The following ADAM7 variants were observed in gnomAD, a reference collection of about 807,000 sequenced individuals.
The protein encoded by ADAM7 is disintegrin and metalloproteinase domain-containing protein 7.
Under a neutral mutation model 102.9 loss-of-function variants are expected in ADAM7, and 97 were observed. That is an observed-to-expected ratio of 0.94 (90% CI 0.80 to 1.12). The LOEUF (loss-of-function observed/expected upper bound fraction) is 1.12, where lower values mean the gene tolerates loss of function less well. ADAM7 is among the 50% of genes most tolerant of loss of function. ADAM7 has a pLI of 0.00. For missense variants in ADAM7, 991 were observed against 908.7 expected (o/e 1.09, Z -1.16); for synonymous variants, 334 against 304.4 (o/e 1.10, Z -1.01).
At chr8:24,445,710 T>C (rs1223971112) in intron 2 of ADAM7, among the ~76,000 whole-genome samples, 5 of 152,208 alleles carry the variant, frequency 3.3e-5, no homozygotes, top group Non-Finnish European at 7.3e-5. Flanking sequence ...GCCTAGATAT[T>C]TTGCTTCTCT....
intron 3 of ADAM7, among the ~76,000 whole-genome samples, chr8:24,454,487 A>G (rs1445378284): frequency 1.3e-5 from 2 of 152,138 alleles, no homozygotes; most frequent in Non-Finnish European, 1.5e-5. Context: ...CTGGTGCGCC[A>G]TTTTTTAAGC....
intron 3 of ADAM7, among the ~76,000 whole-genome samples, chr8:24,452,631 G>A (rs1323453023): frequency 6.7e-6 from 1 of 149,104 alleles, no homozygotes; most frequent in Non-Finnish European, 1.5e-5. Flanking sequence ...CTTTTAATTG[G>A]AGCATTTAGT....
intron 3 of ADAM7, among the ~76,000 whole-genome samples, chr8:24,449,684 T>C (rs1351867180): frequency 1.3e-5 from 2 of 152,186 alleles, no homozygotes; most frequent in Non-Finnish European, 2.9e-5. Context: ...TTGGCTTTTG[T>C]TGCCATTGCT....
At chr8:24,484,956 C>A (rs971838975) in intron 9 of ADAM7, among the ~76,000 whole-genome samples, 1 of 151,850 alleles carries the variant, frequency 6.6e-6, no homozygotes, top group Non-Finnish European at 1.5e-5. Context: ...CAGGTGTGCA[C>A]CACCATGCCC....
intron 16 of ADAM7, among the ~76,000 whole-genome samples, chr8:24,497,426 C>G (rs1820597174): frequency 6.6e-6 from 1 of 152,034 alleles, no homozygotes; most frequent in South Asian, 2.1e-4. Flanking sequence ...GCATTGCCTT[C>G]AAAGTACAAA....
intron 20 of ADAM7, among the ~76,000 whole-genome samples, chr8:24,505,916 A>G (rs748315131): frequency 1.3e-5 from 2 of 152,298 alleles, no homozygotes; most frequent in Middle Eastern, 3.4e-3. Flanking sequence ...CATCATATTC[A>G]TATCACAATG....
intron 3 of ADAM7, among the ~76,000 whole-genome samples, chr8:24,456,291 T>C (rs1819030505): frequency 6.6e-6 from 1 of 152,230 alleles, no homozygotes; most frequent in Non-Finnish European, 1.5e-5. Context: ...CATGTTGTCA[T>C]AAATGACAGA....
At position 24,447,167 on chromosome 8, in the gene ADAM7, G is replaced by T. The variant is rs1307954498; in HGVS notation, c.157-19G>T. 2 of 1,471,936 alleles carry T rather than the reference G, an allele frequency of 1.4e-6. No homozygotes were observed. The highest frequency in any genetic ancestry group is 1.9e-6 in the Non-Finnish European group (2 of 1,069,442). 91.2% of individuals were successfully genotyped at this position (1,471,936 alleles called of 1,614,324 possible). A position where few individuals can be genotyped will look rare whatever the true frequency, so the allele number is the denominator to read the frequency against. ...AAATGAGCCCATGTTGAAGTCACGTGATGCCTCTTCTTTTTTAGAAAACGT... is the reference window on the plus strand; with the variant it reads ...AAATGAGCCCATGTTGAAGTCACGTTATGCCTCTTCTTTTTTAGAAAACGT... On this transcript the variant is annotated intron_variant, in intron 2 of 21. Coordinates refer to ENST00000175238, the MANE Select transcript of ADAM7 (RefSeq NM_003817.4).
intron 12 of ADAM7, chr8:24,490,512 A>G (rs1820305181): frequency 3.4e-6 from 1 of 290,212 alleles, no homozygotes; most frequent in Non-Finnish European, 6.5e-6. Flanking sequence ...TGACCCTTCA[A>G]GGAAATGGAG....
chr8:24,503,874 C>T (rs1010878988), intron 20 of ADAM7, among the ~76,000 whole-genome samples: 4 of 151,560 alleles, frequency 2.6e-5, no homozygotes, highest in South Asian at 2.1e-4. Flanking sequence ...TGAGGCCTGT[C>T]GGGGGATGGG....
intron 3 of ADAM7, among the ~76,000 whole-genome samples, chr8:24,452,149 G>A (rs1380783792): frequency 1.3e-5 from 2 of 151,502 alleles, no homozygotes; most frequent in African/African-American, 4.8e-5. Context: ...GGAGAGTTCT[G>A]TAGATGTCTG....
chr8:24,482,580 C>G (rs1176732311), intron 9 of ADAM7, among the ~76,000 whole-genome samples: 1 of 151,962 alleles, frequency 6.6e-6, no homozygotes. Flanking sequence ...AAGACCCCAT[C>G]TGTACAAAAA....
chr8:24,465,682 GTCT>G lies in ADAM7; in HGVS notation c.313-10_313-8del, dbSNP rs1275943987. The G allele has an allele frequency of 1.3e-6, 2 of 1,524,412 alleles. No homozygotes were observed. The highest frequency in any genetic ancestry group is 4.5e-5 in the East Asian group (2 of 44,012). The allele number at this position is 1,524,412 out of a possible 1,614,324, so 94.4% of individuals were successfully genotyped here. On this transcript the variant is annotated splice_polypyrimidine_tract_variant and intron_variant, in intron 4 of 21. Coordinates refer to ENST00000175238, the MANE Select transcript of ADAM7 (RefSeq NM_003817.4). ...CAATATTTATACATATAGTAATAGAGTCTTCTTCTATTTTAGGATCATTGTTTT... is the reference window on the plus strand; with the variant it reads ...CAATATTTATACATATAGTAATAGAGTCTTCTATTTTAGGATCATTGTTTT...
At chr8:24,483,215 T>TA (rs1306241068) in intron 9 of ADAM7, among the ~76,000 whole-genome samples, 1 of 152,198 alleles carries the variant, frequency 6.6e-6, no homozygotes, top group Non-Finnish European at 1.5e-5. Context: ...TTATTCAAGA[T>TA]ACCTAGCGCA....
chr8:24,474,898 GAAC>G (rs755876053), intron 7 of ADAM7, among the ~76,000 whole-genome samples: 8 of 151,830 alleles, frequency 5.3e-5, no homozygotes, highest in Non-Finnish European at 1.0e-4. Context: ...TTGTCTCAAG[GAAC>G]AACAACAACA....
chr8:24,479,763 A>G (rs886450969), intron 8 of ADAM7, among the ~76,000 whole-genome samples: 1 of 152,144 alleles, frequency 6.6e-6, no homozygotes, highest in African/African-American at 2.4e-5. Context: ...AAGGTGCTCA[A>G]CATCTTTCTT....
intron 13 of ADAM7, 139 bp downstream of exon 13, chr8:24,491,027 T>G (rs1252459568): frequency 2.6e-6 from 2 of 780,386 alleles, no homozygotes; most frequent in African/African-American, 3.5e-5. Flanking sequence ...ACAGAGATTC[T>G]TGTGAGATGC....
chr8:24,457,539 G>A (rs1027201386), intron 3 of ADAM7, among the ~76,000 whole-genome samples: 1 of 151,832 alleles, frequency 6.6e-6, no homozygotes, highest in African/African-American at 2.4e-5. Flanking sequence ...GCCTCCCATA[G>A]TGATAGGATT....
At chr8:24,450,634 C>T (rs1008943052) in intron 3 of ADAM7, among the ~76,000 whole-genome samples, 2 of 151,964 alleles carry the variant, frequency 1.3e-5, no homozygotes, top group Non-Finnish European at 1.5e-5. Context: ...AATTGAATAC[C>T]CTTTATTTCC....
Sources: allele counts gnomAD v4.1 joint callset (sites outside exome capture counted in the v4.1 genomes callset), GRCh38; gene constraint gnomAD v4.1.1; transcripts MANE v1.5; gene names NCBI Gene and HGNC (gene_info 2026-07-23, HGNC 2026-07-21).